Variants in CDCP1 observed in about 807,000 individuals in gnomAD.
CDCP1 encodes CUB domain containing protein 1.
In CDCP1, 29 loss-of-function variants were observed where a neutral mutation model predicts 60.2. The ratio of observed to expected loss-of-function variants is 0.48; its 90% confidence interval spans 0.36 to 0.66. CDCP1 has a LOEUF of 0.66. Ranked by LOEUF, CDCP1 falls within the 30% of genes least tolerant of loss-of-function variation. The pLI, the probability that CDCP1 is intolerant of heterozygous loss-of-function variation, is 0.00. For synonymous variants in CDCP1, 387 were observed against 431.1 expected (o/e 0.90, Z 1.27); for missense variants, 876 against 1,074.3 (o/e 0.82, Z 2.58).
intron 1 of CDCP1, among the ~76,000 whole-genome samples, chr3:45,122,424 G>T (rs1171784995): frequency 6.6e-6 from 1 of 151,342 alleles, no homozygotes; most frequent in East Asian, 1.9e-4. Context: ...GATTACAGGC[G>T]TGAGCCATTG....
At chr3:45,129,284 CT>C (rs1472793281) in intron 1 of CDCP1, among the ~76,000 whole-genome samples, 1 of 152,210 alleles carries the variant, frequency 6.6e-6, no homozygotes, top group Non-Finnish European at 1.5e-5. Flanking sequence ...CTGAGGCCAT[CT>C]TAAGGCTCCT....
chr3:45,133,052 T>G (rs1295820817), intron 1 of CDCP1, among the ~76,000 whole-genome samples: 2 of 152,164 alleles, frequency 1.3e-5, no homozygotes, highest in Non-Finnish European at 2.9e-5. Flanking sequence ...AGTCGATGTG[T>G]GAAAGGAATT....
In CDCP1 at chr3:45,089,109, C is replaced by A. The variant is rs1176168348; in HGVS notation, c.2026G>T (p.Gly676Cys). 2 of 1,613,984 alleles carry A rather than the reference C, an allele frequency of 1.2e-6. No individual in the cohort carries two copies. Among genetic ancestry groups the A allele is most frequent in the Non-Finnish European group, 1.7e-6 (2 of 1,180,010 alleles). The change falls in exon 8 of 9, where the codon GGT becomes TGT. Residue 676 changes from glycine to cysteine, a missense_variant. Physicochemically the swap from Gly to Cys is radical, Grantham distance 159. Transcript: ENST00000296129. ...AGGGCAGACAGCAGTAAGACTCCAC[C>A]TCCCACCGCTGCGATGAGGATGACA... Reference protein sequence around the residue: ...LTVILIAAVGGGVLLLSALGL... With the variant: ...LTVILIAAVGCGVLLLSALGL...
At chr3:45,115,256 C>T (rs1406884868) in intron 2 of CDCP1, among the ~76,000 whole-genome samples, 1 of 151,300 alleles carries the variant, frequency 6.6e-6, no homozygotes, top group Non-Finnish European at 1.5e-5. Context: ...CGGGGAAGTA[C>T]AGAAAAGTAG....
At chr3:45,121,226 C>T (rs912999469) in intron 1 of CDCP1, among the ~76,000 whole-genome samples, 3 of 152,128 alleles carry the variant, frequency 2.0e-5, no homozygotes, top group African/African-American at 7.2e-5. Flanking sequence ...AGAATATATT[C>T]TCAGGGGCAG....
chr3:45,138,937 G>C (rs2126009700), intron 1 of CDCP1, among the ~76,000 whole-genome samples: 1 of 152,354 alleles, frequency 6.6e-6, no homozygotes, highest in Non-Finnish European at 1.5e-5. Flanking sequence ...AAAGGTTCAA[G>C]ATTGAGCATC....
chr3:45,112,335 T>G lies in CDCP1; in HGVS notation c.403A>C (p.Ile135Leu). The stretch of plus-strand genomic sequence containing the variant: ...ATGGAAAACTGCAGCTCTAAACCGA[T>G]GCTCTTATGAGCTTTGACATCCCAG... ...FIWDVKAHKS[I>L]GLELQFSIPR... Residue 135 changes from isoleucine to leucine, a missense_variant, in exon 3 of 9, where the codon ATC (isoleucine) becomes CTC (leucine). Transcript: ENST00000296129. The G allele has an allele frequency of 6.2e-7, 1 of 1,614,252 alleles. No individual in the cohort carries two copies. The highest frequency in any genetic ancestry group is 8.5e-7 in the Non-Finnish European group (1 of 1,180,044).
At chr3:45,109,295 C>T (rs561523334) in intron 4 of CDCP1, among the ~76,000 whole-genome samples, 2 of 152,036 alleles carry the variant, frequency 1.3e-5, no homozygotes, top group South Asian at 4.2e-4. Flanking sequence ...TACATATGGA[C>T]GTTTCCAGGG....
intron 1 of CDCP1, among the ~76,000 whole-genome samples, chr3:45,137,585 T>C (rs900819493): frequency 4.7e-5 from 7 of 147,812 alleles, no homozygotes; most frequent in Non-Finnish European, 7.4e-5. Context: ...GGTGGGCAGA[T>C]CACCTGAGAT....
intron 4 of CDCP1, among the ~76,000 whole-genome samples, chr3:45,103,386 G>T (rs1258705027): frequency 1.3e-5 from 2 of 152,168 alleles, no homozygotes. Flanking sequence ...CCATTCCTCT[G>T]TTGGTGATTT....
chr3:45,136,123 C>T (rs560492402), intron 1 of CDCP1, among the ~76,000 whole-genome samples: 11 of 152,258 alleles, frequency 7.2e-5, no homozygotes, highest in Admixed American at 1.3e-4. Flanking sequence ...ATCAAAATGA[C>T]CTTGGACTGG....
chr3:45,117,288 C>T (rs1465134791), intron 2 of CDCP1, among the ~76,000 whole-genome samples: 1 of 152,080 alleles, frequency 6.6e-6, no homozygotes, highest in Non-Finnish European at 1.5e-5. Flanking sequence ...ATCTTCTATC[C>T]CAAGCTCAAA....
At chr3:45,102,410 G>T (rs913493433) in intron 4 of CDCP1, among the ~76,000 whole-genome samples, 2 of 151,976 alleles carry the variant, frequency 1.3e-5, no homozygotes, top group African/African-American at 4.8e-5. Context: ...GCTTAGAAAG[G>T]TTAAGTAATT....
chr3:45,129,276 GAGGCCATCTTA>G (rs1184150147), intron 1 of CDCP1, among the ~76,000 whole-genome samples: 1 of 152,190 alleles, frequency 6.6e-6, no homozygotes, highest in Non-Finnish European at 1.5e-5. Flanking sequence ...CTCTGAGACT[GAGGCCATCTTA>G]AGGCTCCTTG....
At chr3:45,113,361 T>G (rs958055452) in intron 2 of CDCP1, among the ~76,000 whole-genome samples, 3 of 152,166 alleles carry the variant, frequency 2.0e-5, no homozygotes, top group African/African-American at 7.2e-5. Context: ...TTCCTAAGCC[T>G]TTTAAAACAA....
intron 4 of CDCP1, among the ~76,000 whole-genome samples, chr3:45,107,569 A>G (rs946966321): frequency 2.0e-5 from 3 of 152,090 alleles, no homozygotes; most frequent in Admixed American, 2.0e-4. Flanking sequence ...GAAACATTTA[A>G]AGAGCGCTCA....
At position 45,091,428 on chromosome 3, in the gene CDCP1, C is replaced by G; in HGVS notation, c.1738G>C (p.Val580Leu). The part of the protein sequence containing the change: ...SLTSVSWNIS[V>L]PRDQVACLTF... Reference sequence around the variant, plus strand: ...AGGCAGGCCACCTGGTCTCTGGGCACGCTGATGTTCCAGGACACAGAGGTG... The same window carrying G: ...AGGCAGGCCACCTGGTCTCTGGGCAGGCTGATGTTCCAGGACACAGAGGTG... The change falls in exon 7 of 9, where the codon GTG becomes CTG. Residue 580 changes from valine to leucine, a missense_variant. Coordinates refer to ENST00000296129, the MANE Select transcript of CDCP1 (RefSeq NM_022842.5). This position sits in a 1 kb window ranked among gnomAD's most constrained non-coding sequence, Gnocchi z 4.8. 6.2e-7 allele frequency: 1 copy of G among 1,613,378 alleles called. No homozygotes were observed. The highest frequency in any genetic ancestry group is 8.5e-7 in the Non-Finnish European group (1 of 1,179,668).
intron 4 of CDCP1, among the ~76,000 whole-genome samples, chr3:45,097,406 T>G (rs1698420027): frequency 6.6e-6 from 1 of 151,758 alleles, no homozygotes; most frequent in South Asian, 2.1e-4. Context: ...TATAAAAGAC[T>G]CATTTCACTT....
intron 1 of CDCP1, among the ~76,000 whole-genome samples, chr3:45,144,219 C>G (rs922084735): frequency 6.6e-6 from 1 of 152,150 alleles, no homozygotes; most frequent in African/African-American, 2.4e-5. Flanking sequence ...TTCATTTTTA[C>G]TCTGCTGAGT....
Sources: gnomAD v4.1 joint callset for allele counts (sites outside exome capture counted in the v4.1 genomes callset) on GRCh38, gnomAD v4.1.1 for gene constraint, Gnocchi (gnomAD v3.1) non-coding constraint, MANE v1.5 for transcripts, NCBI Gene and HGNC (gene_info 2026-07-23, HGNC 2026-07-21) for gene names.